PCDHGA6: variants seen among roughly 807,000 people sequenced by gnomAD.
The protein encoded by PCDHGA6 is protocadherin gamma-A6.
Under a neutral mutation model 60.6 loss-of-function variants are expected in PCDHGA6, and 41 were observed. That is an observed-to-expected ratio of 0.68 (90% CI 0.53 to 0.88). PCDHGA6 has a LOEUF of 0.88. Ranked by LOEUF, PCDHGA6 falls within the 40% of genes least tolerant of loss-of-function variation. PCDHGA6 has a pLI of 0.00. For missense variants in PCDHGA6, 1,312 were observed against 1,203.0 expected (o/e 1.09, Z -1.34); for synonymous variants, 594 against 524.4 (o/e 1.13, Z -1.81).
chr5:141,419,505 G>A lies in PCDHGA6; in HGVS notation c.2424+42998G>A, dbSNP rs115850576. The A allele has an allele frequency of 8.4e-4, 1,351 of 1,612,324 alleles. 13 individuals are homozygous for A. In the African/African-American group the frequency reaches 0.015, roughly 18 times the overall value. The stretch of plus-strand genomic sequence containing the variant: ...GCGCTCAGCGCCAATGTGAGCCTGC[G>A]CGTGTTGGTGGGCGACCGTAACGAC... On this transcript the variant is annotated intron_variant, in intron 1 of 3. Transcript: ENST00000517434.
intron 1 of PCDHGA6, chr5:141,426,713 AC>A: frequency 2.2e-6 from 1 of 445,196 alleles, no homozygotes; most frequent in Middle Eastern, 3.3e-4. Flanking sequence ...AAATCAATGA[AC>A]TAGCAATTCC....
At chr5:141,423,375 G>C in intron 1 of PCDHGA6, 1 of 1,614,192 alleles carries the variant, frequency 6.2e-7, no homozygotes, top group Non-Finnish European at 8.5e-7. Context: ...TGGCACTCAG[G>C]CTGTGGCGCT....
chr5:141,501,478 T>A (rs536337246), intron 2 of PCDHGA6, among the ~76,000 whole-genome samples: 5 of 151,890 alleles, frequency 3.3e-5, no homozygotes, highest in Non-Finnish European at 7.4e-5. Flanking sequence ...CCTGGAAGAG[T>A]CCCTCATATC....
chr5:141,383,102 CCA>C lies in PCDHGA6; in HGVS notation c.2424+6596_2424+6597del, dbSNP rs1253092385. ...GCGGAGCGCGGAGTCCGCATCATCT[CCA>C]GAGGTAGGACGCAGCTTTTCGCCCT... On this transcript the variant is annotated intron_variant, in intron 1 of 3. Coordinates refer to ENST00000517434, the MANE Select transcript of PCDHGA6 (RefSeq NM_018919.3). 3 of 1,614,004 alleles carry C rather than the reference CCA, an allele frequency of 1.9e-6. No homozygotes were observed. In the South Asian group the frequency reaches 3.3e-5, roughly 18 times the overall value.
intron 1 of PCDHGA6, among the ~76,000 whole-genome samples, chr5:141,424,906 A>T (rs1417615946): frequency 5.9e-5 from 9 of 152,212 alleles, no homozygotes. Context: ...GATCACAGGA[A>T]TCATTTCCAT....
intron 1 of PCDHGA6, among the ~76,000 whole-genome samples, chr5:141,468,830 C>T (rs561511870): frequency 2.0e-5 from 3 of 152,170 alleles, no homozygotes; most frequent in East Asian, 1.9e-4. Flanking sequence ...CAAGCCACTG[C>T]ACTCCAGCCT....
chr5:141,448,818 G>A (rs2098609016), intron 1 of PCDHGA6, among the ~76,000 whole-genome samples: 1 of 151,984 alleles, frequency 6.6e-6, no homozygotes, highest in Admixed American at 6.6e-5. Context: ...GATGGCGGGC[G>A]CCTGTAGTCC....
rs1337141924 is a variant in PCDHGA6, at chr5:141,512,916, CTAATATT to C, written c.*1746_*1752del. On this transcript the variant is annotated 3_prime_UTR_variant, in exon 4 of 4. Coordinates refer to ENST00000517434, the MANE Select transcript of PCDHGA6 (RefSeq NM_018919.3). The stretch of plus-strand genomic sequence containing the variant: ...CTGTGTCTCACGCAAGTTTTATACT[CTAATATT>C]TATATGGCTTTTTTTCTTCGACAAA... The C allele has an allele frequency of 1.3e-5, 2 of 152,206 alleles. No homozygotes were observed. Among genetic ancestry groups the C allele is most frequent in the Non-Finnish European group, 2.9e-5 (2 of 68,046 alleles). The allele number at this position is 152,206 out of a possible 1,614,324, so 9.4% of individuals were successfully genotyped here.
At position 141,505,394 on chromosome 5, in the gene PCDHGA6, T is replaced by C; in HGVS notation, c.2485T>C (p.Ser829Pro). 6.2e-7 allele frequency: 1 copy of C among 1,614,110 alleles called. No homozygotes were observed. The highest frequency in any genetic ancestry group is 8.5e-7 in the Non-Finnish European group (1 of 1,180,002). The part of the protein sequence containing the change: ...SQAQRPGTSG[S>P]QNGDDTGTWP... ...CTCACCATCCTACTCTCTCCCCAGC[T>C]CCCAAAATGGCGATGACACCGGCAC... Residue 829 changes from serine (S) to proline (P), a missense_variant and splice_region_variant, in exon 3 of 4, where the codon TCC becomes CCC. By Grantham distance (74) the Ser-to-Pro change is moderately conservative. Coordinates refer to ENST00000517434, the MANE Select transcript of PCDHGA6 (RefSeq NM_018919.3).
intron 1 of PCDHGA6, chr5:141,420,202 C>T (rs2096476837): frequency 6.2e-7 from 1 of 1,613,136 alleles, no homozygotes. Flanking sequence ...AAGATAACCT[C>T]AACAAAGATA....
At chr5:141,389,766 C>G in intron 1 of PCDHGA6, 1 of 1,613,060 alleles carries the variant, frequency 6.2e-7, no homozygotes, top group Non-Finnish European at 8.5e-7. Flanking sequence ...GCGCACAGCG[C>G]GTGCCTTAGG....
chr5:141,489,915 C>T lies in PCDHGA6; in HGVS notation c.2425-4892C>T, dbSNP rs971312502. On this transcript the variant is annotated intron_variant, in intron 1 of 3. Coordinates refer to ENST00000517434, the MANE Select transcript of PCDHGA6 (RefSeq NM_018919.3). This position sits in a 1 kb window ranked among gnomAD's most constrained non-coding sequence, Gnocchi z 4.5. ...GGGGGACCCCAGCCCGCTCAGGGAC[C>T]ACCCTTATCTCTGTCATCGTGCTGG... The T allele has an allele frequency of 6.2e-7, 1 of 1,614,242 alleles. No individual in the cohort carries two copies. Among genetic ancestry groups the T allele is most frequent in the Non-Finnish European group, 8.5e-7 (1 of 1,180,044 alleles).
chr5:141,388,848 G>T (rs766706887), intron 1 of PCDHGA6: 1 of 1,613,942 alleles, frequency 6.2e-7, no homozygotes, highest in East Asian at 2.2e-5. Context: ...AGCAAGGGAC[G>T]GTGGAGGAAT....
intron 1 of PCDHGA6, chr5:141,441,182 CA>C (rs1434822697): frequency 6.6e-6 from 1 of 152,140 alleles, no homozygotes; most frequent in African/African-American, 2.4e-5. Flanking sequence ...TCTAATTCCA[CA>C]ATGATTCCCA....
At chr5:141,495,257 A>T (rs1411983517) in intron 2 of PCDHGA6, among the ~76,000 whole-genome samples, 1 of 152,200 alleles carries the variant, frequency 6.6e-6, no homozygotes, top group Non-Finnish European at 1.5e-5. Context: ...CTCAGGCAGA[A>T]AAGCATTTGA....
intron 3 of PCDHGA6, among the ~76,000 whole-genome samples, chr5:141,509,686 G>A (rs1350812680): frequency 6.6e-6 from 1 of 152,212 alleles, no homozygotes; most frequent in Non-Finnish European, 1.5e-5. Flanking sequence ...CTTCTGTACA[G>A]TGGGACGTTG....
rs1054594374 is a variant in PCDHGA6 at position 141,489,607 on chromosome 5, A to G, written c.2425-5200A>G. On this transcript the variant is annotated intron_variant, in intron 1 of 3. Coordinates refer to ENST00000517434, the MANE Select transcript of PCDHGA6 (RefSeq NM_018919.3). This position sits in a 1 kb window ranked among gnomAD's most constrained non-coding sequence, Gnocchi z 4.5. ...GGAGCTAATCCGTGTAGAGGTAGAG[A>G]TCCTGGATCTCAATGACAACTCTCC... The G allele has an allele frequency of 6.2e-6, 10 of 1,613,850 alleles. No homozygotes were observed. The highest frequency in any genetic ancestry group is 8.5e-6 in the Non-Finnish European group (10 of 1,179,956).
At chr5:141,440,150 A>G (rs770863453) in intron 1 of PCDHGA6, 1 of 152,244 alleles carries the variant, frequency 6.6e-6, no homozygotes, top group African/African-American at 2.4e-5. Context: ...ACGCCCCCCA[A>G]TTATAGCTTG....
At chr5:141,415,801 A>G (rs560476453) in intron 1 of PCDHGA6, 12 of 1,373,384 alleles carry the variant, frequency 8.7e-6, no homozygotes, top group East Asian at 5.3e-5. Flanking sequence ...CCTAGTCTCA[A>G]TCAAGGCCTA....
Sources: allele counts gnomAD v4.1 joint callset (sites outside exome capture counted in the v4.1 genomes callset), GRCh38; gene constraint gnomAD v4.1.1; non-coding constraint Gnocchi (gnomAD v3.1); transcripts MANE v1.5; gene names NCBI Gene and HGNC (gene_info 2026-07-23, HGNC 2026-07-21).